The following SPATA1 variants were observed in gnomAD, a reference collection of about 807,000 sequenced individuals.
SPATA1 encodes the protein spermatogenesis associated 1.
Under a neutral mutation model 59.6 loss-of-function variants are expected in SPATA1, and 57 were observed. The observed-to-expected ratio is 0.96, with a 90% CI of 0.77 to 1.19. SPATA1 has a LOEUF of 1.19. SPATA1 is among the 50% of genes most tolerant of loss of function. The pLI is 0.00. For synonymous variants in SPATA1, 147 were observed against 163.9 expected, an observed-to-expected ratio of 0.90 and a Z score of 0.79; for missense variants, 448 against 480.7, an observed-to-expected ratio of 0.93 and a Z score of 0.64.
chr1:84,514,366 T>C (rs1022596931), intron 1 of SPATA1, among the ~76,000 whole-genome samples: 1 of 152,212 alleles, frequency 6.6e-6, no homozygotes, highest in Non-Finnish European at 1.5e-5. Context: ...AGGGATACTA[T>C]AGGTTGAGTA....
intron 1 of SPATA1, among the ~76,000 whole-genome samples, chr1:84,512,035 T>C (rs1192402208): frequency 6.6e-6 from 1 of 152,174 alleles, no homozygotes; most frequent in Non-Finnish European, 1.5e-5. Flanking sequence ...TTTAAATTGA[T>C]GAGAATTTTA....
chr1:84,508,106 C>T (rs1344487869), intron 1 of SPATA1, among the ~76,000 whole-genome samples: 7 of 152,006 alleles, frequency 4.6e-5, no homozygotes, highest in Admixed American at 4.6e-4. Context: ...GTGGGGAAAC[C>T]GTCTCTACTA....
intron 12 of SPATA1, chr1:84,550,895 T>C (rs17111314): frequency 0.037 from 36,055 of 980,304 alleles, 1,985 homozygotes; most frequent in African/African-American, 0.24. Context: ...TTTAATTTTT[T>C]ATGGGTAATC....
intron 1 of SPATA1, chr1:84,506,930 T>G (rs1682284654): frequency 6.6e-6 from 1 of 152,258 alleles, no homozygotes; most frequent in Non-Finnish European, 1.5e-5. Flanking sequence ...TCTGCTCGGT[T>G]ACCCATTTAC....
chr1:84,511,929 G>C (rs541873705), intron 1 of SPATA1, among the ~76,000 whole-genome samples: 1 of 152,024 alleles, frequency 6.6e-6, no homozygotes, highest in Non-Finnish European at 1.5e-5. Flanking sequence ...GGATCCACCC[G>C]CCTCGGCCTC....
At chr1:84,517,498 G>GA in intron 2 of SPATA1, among the ~76,000 whole-genome samples, 1 of 152,234 alleles carries the variant, frequency 6.6e-6, no homozygotes, top group South Asian at 2.1e-4. Context: ...ATGGCCAATA[G>GA]ATATCTCATC....
intron 4 of SPATA1, among the ~76,000 whole-genome samples, chr1:84,523,395 T>C (rs74095438): frequency 1.7e-3 from 255 of 152,340 alleles, no homozygotes; most frequent in African/African-American, 5.8e-3. Context: ...TTAAACTCTT[T>C]AAAATGCAGC....
intron 10 of SPATA1, among the ~76,000 whole-genome samples, chr1:84,547,420 G>T (rs1054055947): frequency 2.6e-5 from 4 of 152,124 alleles, no homozygotes; most frequent in Non-Finnish European, 5.9e-5. Context: ...TAAATGCTGG[G>T]GATACAGCAG....
At chr1:84,539,078 G>T (rs1046406966) in intron 8 of SPATA1, among the ~76,000 whole-genome samples, 2 of 152,176 alleles carry the variant, frequency 1.3e-5, no homozygotes, top group African/African-American at 4.8e-5. Context: ...TGGGATTATA[G>T]GCATGAGCCA....
chr1:84,537,554 T>A (rs1435780302), intron 8 of SPATA1, among the ~76,000 whole-genome samples: 1 of 152,196 alleles, frequency 6.6e-6, no homozygotes, highest in African/African-American at 2.4e-5. Context: ...GGAGGCCAGG[T>A]ATCCTTGAGG....
downstream of SPATA1, among the ~76,000 whole-genome samples, chr1:84,557,684 T>C (rs1371291751): frequency 1.3e-5 from 2 of 150,350 alleles, no homozygotes; most frequent in Non-Finnish European, 3.0e-5. Context: ...TGAAACCCCG[T>C]CTCTATTAAA....
rs746654178 is a variant in SPATA1, at chr1:84,563,712, A to G, written n.443-2149A>G. The G allele has an allele frequency of 3.6e-6, 5 of 1,380,582 alleles. No individual in the cohort carries two copies. In the Admixed American group the frequency reaches 1.1e-4, roughly 31 times the overall value. The allele number at this position is 1,380,582 out of a possible 1,614,324, so 85.5% of individuals were successfully genotyped here. ...AAAAATATAATAGATAATAAAAATT[A>G]TGTAACAAATGACTGTTCCTACCTC... is the stretch of plus-strand genomic sequence containing the variant. On this transcript the variant is annotated intron_variant and non_coding_transcript_variant, in intron 4 of 4. Transcript: ENST00000460286.
chr1:84,557,397 G>A (rs559809886), downstream of SPATA1, among the ~76,000 whole-genome samples: 39 of 152,016 alleles, frequency 2.6e-4, no homozygotes, highest in African/African-American at 7.7e-4. Context: ...GCTGGGTGTG[G>A]TGATGCATGC....
At chr1:84,515,372 T>C (rs1182527793) in intron 1 of SPATA1, among the ~76,000 whole-genome samples, 2 of 148,916 alleles carry the variant, frequency 1.3e-5, no homozygotes, top group Non-Finnish European at 3.0e-5. Flanking sequence ...TCTTTTAATT[T>C]TGATACTATT....
At chr1:84,545,716 G>T in exon 10 of SPATA1, 1 of 1,534,460 alleles carries the variant, frequency 6.5e-7, no homozygotes, top group Non-Finnish European at 8.7e-7. Flanking sequence ...TAGTAAAAAC[G>T]GTTGAAAAGC....
chr1:84,565,154 G>A (rs1000396000), intron 4 of SPATA1, among the ~76,000 whole-genome samples: 5 of 151,932 alleles, frequency 3.3e-5, no homozygotes, highest in African/African-American at 4.8e-5. Context: ...AGCCCTGATC[G>A]TGCCACTGCA....
At chr1:84,546,173 T>G (rs1684079300) in intron 10 of SPATA1, among the ~76,000 whole-genome samples, 1 of 152,092 alleles carries the variant, frequency 6.6e-6, no homozygotes, top group African/African-American at 2.4e-5. Context: ...GATACATCCT[T>G]GCCAGCGCAG....
chr1:84,553,855 T>C (rs949907899), exon 13 of SPATA1: 3 of 152,210 alleles, frequency 2.0e-5, no homozygotes, highest in Admixed American at 6.5e-5. Flanking sequence ...AATTAGGAAC[T>C]AATAAGGGCA....
At chr1:84,526,048 G>A in exon 6 of SPATA1, 2 of 1,611,394 alleles carry the variant, frequency 1.2e-6, no homozygotes, top group South Asian at 2.2e-5. Context: ...CTTTGAAAGA[G>A]CTTCCTAACA....
Sources: gnomAD v4.1 joint callset for allele counts (sites outside exome capture counted in the v4.1 genomes callset) on GRCh38, gnomAD v4.1.1 for gene constraint, MANE v1.5 for transcripts, NCBI Gene and HGNC (gene_info 2026-07-23, HGNC 2026-07-21) for gene names.